Variants in PLD5 observed in about 807,000 individuals in gnomAD.
PLD5 encodes the protein inactive phospholipase D5.
In PLD5, 36 loss-of-function variants were observed where a neutral mutation model predicts 61.1. The observed-to-expected ratio is 0.59, with a 90% confidence interval of 0.45 to 0.78. The LOEUF (loss-of-function observed/expected upper bound fraction) is 0.78. Ranked by LOEUF, PLD5 falls within the 30% of genes least tolerant of loss-of-function variation. PLD5 has a pLI of 0.00. For synonymous variants in PLD5, 243 were observed against 242.8 expected (o/e 1.00, Z -0.01); for missense variants, 515 against 644.4 (o/e 0.80, Z 2.17).
chr1:242,202,919 G>A (rs895422290), intron 5 of PLD5, among the ~76,000 whole-genome samples: 1 of 152,106 alleles, frequency 6.6e-6, no homozygotes, highest in African/African-American at 2.4e-5. Context: ...GATGCCAGGT[G>A]TGAGAGGGGG....
chr1:242,285,438 C>T (rs1343954033), intron 3 of PLD5, among the ~76,000 whole-genome samples: 1 of 152,158 alleles, frequency 6.6e-6, no homozygotes, highest in African/African-American at 2.4e-5. Flanking sequence ...GTAGAGGTTG[C>T]AGTGAGCCAA....
At chr1:242,486,802 G>C (rs557782993) in intron 1 of PLD5, among the ~76,000 whole-genome samples, 105 of 152,182 alleles carry the variant, frequency 6.9e-4, no homozygotes, top group African/African-American at 2.5e-3. Context: ...CAAAGACTTG[G>C]AACCAACCCA....
At position 242,243,145 on chromosome 1, in the gene PLD5, T is replaced by C. The variant is rs1300783774; in HGVS notation, c.607+22192A>G. On this transcript the variant is annotated intron_variant, in intron 4 of 9. Transcript: ENST00000536534. ...AGCTTGCTGTGCCACAAATGGGGGA[T>C]TGGCACACACTTAACACATATGCCA... Among the ~76,000 whole-genome samples the C allele has an allele frequency of 3.3e-5, 5 of 152,204 alleles. No homozygotes were observed. In the South Asian group the frequency reaches 8.3e-4, roughly 25 times the overall value.
At chr1:242,491,683 C>G (rs924863680) in intron 1 of PLD5, among the ~76,000 whole-genome samples, 4 of 152,108 alleles carry the variant, frequency 2.6e-5, no homozygotes, top group African/African-American at 9.7e-5. Context: ...TTTTATGTTG[C>G]CTCATTCTTT....
chr1:242,354,828 A>G (rs2149228639), intron 1 of PLD5, among the ~76,000 whole-genome samples: 1 of 149,084 alleles, frequency 6.7e-6, no homozygotes, highest in South Asian at 2.1e-4. Flanking sequence ...TTTTTTTTTT[A>G]CCATGAAAGG....
At chr1:242,128,857 T>G (rs1405828052) in intron 5 of PLD5, among the ~76,000 whole-genome samples, 1 of 152,148 alleles carries the variant, frequency 6.6e-6, no homozygotes, top group African/African-American at 2.4e-5. Context: ...GATTGGTATA[T>G]TTCATAAGAT....
chr1:242,497,437 T>A (rs1668407173), intron 1 of PLD5, among the ~76,000 whole-genome samples: 1 of 152,188 alleles, frequency 6.6e-6, no homozygotes, highest in Non-Finnish European at 1.5e-5. Flanking sequence ...ATCTTTCTCT[T>A]CCTCTAAATT....
Position 242,089,963 on chromosome 1 carries a change from G to C in PLD5, c.1502C>G (p.Thr501Ser). 6.2e-7 allele frequency: 1 copy of C among 1,614,202 alleles called. No individual in the cohort carries two copies. Among genetic ancestry groups the C allele is most frequent in the South Asian group, 1.1e-5 (1 of 91,076 alleles). Residue 501 changes from threonine to serine, a missense_variant, in exon 10 of 10, where the codon ACC (threonine) becomes AGC (serine). Around this residue, in one of 2 missense-constraint regions of PLD5, gnomAD observed 450 missense variants for 598.1 expected, o/e 0.75. Coordinates refer to ENST00000536534, the MANE Select transcript of PLD5 (RefSeq NM_001372062.1). ...GTTCGGCTGTTTGGTTGGCTGTAAG[G>C]TTTTGGCATACGGTGAATACCAGTC... ...ERDWYSPYAK[T>S]LQPTKQPNCS...
At chr1:242,218,352 A>G (rs1267441403) in intron 5 of PLD5, among the ~76,000 whole-genome samples, 1 of 152,250 alleles carries the variant, frequency 6.6e-6, no homozygotes, top group African/African-American at 2.4e-5. Flanking sequence ...GGTAACTTTT[A>G]TATGCACTGG....
chr1:242,436,455 T>C (rs983051269), intron 1 of PLD5, among the ~76,000 whole-genome samples: 1 of 152,158 alleles, frequency 6.6e-6, no homozygotes, highest in Admixed American at 6.5e-5. Context: ...ACTGTTTTAA[T>C]ATGTAATTGT....
chr1:242,452,526 G>A (rs2654869), intron 1 of PLD5, among the ~76,000 whole-genome samples: 40,133 of 151,920 alleles, frequency 0.26, 6,157 homozygotes, highest in Non-Finnish European at 0.34. Context: ...AAAAAACGTG[G>A]ACATCCAGGC....
intron 5 of PLD5, among the ~76,000 whole-genome samples, chr1:242,143,150 C>T (rs1558266922): frequency 6.6e-6 from 1 of 152,096 alleles, no homozygotes; most frequent in Non-Finnish European, 1.5e-5. Context: ...GCCTCAGCCT[C>T]ACAAGTAGCT....
chr1:242,216,979 A>G lies in PLD5; in HGVS notation c.735+3009T>C, dbSNP rs1343709737. Among the ~76,000 whole-genome samples the G allele has an allele frequency of 2.0e-5, 3 of 152,218 alleles. No homozygotes were observed. In the East Asian group the frequency reaches 5.8e-4, roughly 29 times the overall value. On this transcript the variant is annotated intron_variant, in intron 5 of 9. Transcript: ENST00000536534. ...AACTCTGCCTGTGCTCTATAAATGG[A>G]ACAAAGCTGGGATGATAGTACTGCT... is the stretch of plus-strand genomic sequence containing the variant.
At chr1:242,220,200 G>C in intron 4 of PLD5, 85 bp from the exon 5 acceptor site, 2 of 1,524,774 alleles carry the variant, frequency 1.3e-6, no homozygotes, top group Admixed American at 3.4e-5. Flanking sequence ...AATATTCATG[G>C]TTCACCATTT....
intron 1 of PLD5, among the ~76,000 whole-genome samples, chr1:242,454,371 A>G (rs1572181865): frequency 6.6e-6 from 1 of 151,292 alleles, no homozygotes; most frequent in South Asian, 2.1e-4. Context: ...AAGCAAACCC[A>G]CTCAGTCTAA....
rs1278037374 is a variant in PLD5 at position 242,308,706 on chromosome 1, A to G, written c.327-20176T>C. On this transcript the variant is annotated intron_variant, in intron 2 of 9. Coordinates refer to ENST00000536534, the MANE Select transcript of PLD5 (RefSeq NM_001372062.1). ...ATTCGAAACCTCTGAACATTTTCAG[A>G]CTATTACTACTGGGAGTCACAAAAT... 2.6e-5 allele frequency among the ~76,000 whole-genome samples: 4 copies of G among 152,318 alleles called. No individual in the cohort carries two copies. In the East Asian group the frequency reaches 7.7e-4, roughly 29 times the overall value.
intron 1 of PLD5, among the ~76,000 whole-genome samples, chr1:242,486,500 A>T (rs2102969895): frequency 6.6e-6 from 1 of 152,340 alleles, no homozygotes; most frequent in African/African-American, 2.4e-5. Context: ...GCAAATCAAA[A>T]CCACAATGAG....
chr1:242,094,212 CATG>C (rs1312358451), intron 9 of PLD5, among the ~76,000 whole-genome samples: 1 of 151,934 alleles, frequency 6.6e-6, no homozygotes, highest in Non-Finnish European at 1.5e-5. Context: ...CCCAGAGGGA[CATG>C]ATGATGAGGT....
At chr1:242,095,886 A>T (rs1280042272) in intron 9 of PLD5, among the ~76,000 whole-genome samples, 1 of 152,196 alleles carries the variant, frequency 6.6e-6, no homozygotes. Flanking sequence ...GTTGGTGCAC[A>T]TGAGAAAAAT....
Sources: gnomAD v4.1 joint callset for allele counts (sites outside exome capture counted in the v4.1 genomes callset) on GRCh38, gnomAD v4.1.1 for gene constraint, gnomAD v4.1.1 regional missense constraint, MANE v1.5 for transcripts, NCBI Gene and HGNC (gene_info 2026-07-23, HGNC 2026-07-21) for gene names.